QRICH2: variants seen among roughly 807,000 people sequenced by gnomAD.
QRICH2 encodes the protein glutamine-rich protein 2.
QRICH2 carries 119 observed loss-of-function variants against 168.3 expected under a neutral mutation model. That is an observed-to-expected ratio of 0.71 (90% CI 0.61 to 0.82). The LOEUF (loss-of-function observed/expected upper bound fraction) is 0.82. Ranked by LOEUF, QRICH2 falls within the 40% of genes least tolerant of loss-of-function variation. QRICH2 has a pLI of 0.00. For synonymous variants in QRICH2, 894 were observed against 951.2 expected (o/e 0.94, Z 1.11); for missense variants, 2,241 against 2,491.6 (o/e 0.90, Z 2.14).
chr17:76,277,338 G>T (rs1172990080), intron 15 of QRICH2, 28 bp from the exon 16 acceptor site: 1 of 1,604,438 alleles, frequency 6.2e-7, no homozygotes, highest in African/African-American at 1.3e-5. Flanking sequence ...TGGAGTCATT[G>T]GGAGCAGACC....
chr17:76,292,940 T>A lies in QRICH2; in HGVS notation c.1787A>T (p.Asp596Val), dbSNP rs867128535. 6.2e-7 allele frequency: 1 copy of A among 1,611,946 alleles called. No homozygotes were observed. Among genetic ancestry groups the A allele is most frequent in the Middle Eastern group, 1.7e-4 (1 of 6,058 alleles). ...YQPGLVQPGA[D>V]QRGLVRPGMD... Reference sequence around the variant, plus strand: ...TCCAGGCCGGACCAAACCACGCTGATCTGCACCAGGTTGGACCAAGCCAGG... The same window carrying A: ...TCCAGGCCGGACCAAACCACGCTGAACTGCACCAGGTTGGACCAAGCCAGG... The change falls in exon 4 of 19, where the codon GAT becomes GTT. Residue 596 changes from aspartate to valine, a missense_variant. Around this residue, in one of 3 missense-constraint regions of QRICH2, gnomAD observed 2,047 missense variants for 2,303.8 expected, o/e 0.89. Coordinates refer to ENST00000680821, the MANE Select transcript of QRICH2 (RefSeq NM_001388453.1).
At position 76,307,516 on chromosome 17, in the gene QRICH2, C is replaced by T. The variant is rs2143419638; in HGVS notation, c.483G>A (p.Val161=). The change falls in exon 1 of 19, where the codon GTG becomes GTA. Residue 161 remains valine, a synonymous_variant. Transcript: ENST00000680821. The surrounding 1 kb of genome is among the most constrained non-coding windows in gnomAD (Gnocchi z 5.3). ...QEVGVRAFDR[V]RTGSIMKDAA... is the part of the protein sequence containing the mutation. The stretch of plus-strand genomic sequence containing the variant: ...CGTCCTTCATGATACTCCCAGTCCG[C>T]ACCCTATCGAACGCCCGCACGCCCA... 1.9e-6 allele frequency: 3 copies of T among 1,613,140 alleles called. No homozygotes were observed. Among genetic ancestry groups the T allele is most frequent in the Middle Eastern group, 1.7e-4 (1 of 6,058 alleles).
At position 76,304,529 on chromosome 17, in the gene QRICH2, A is replaced by C; in HGVS notation, c.595-4T>G. 6.2e-7 allele frequency: 1 copy of C among 1,602,202 alleles called. No individual in the cohort carries two copies. The highest frequency in any genetic ancestry group is 8.5e-7 in the Non-Finnish European group (1 of 1,170,770). Reference sequence around the variant, plus strand: ...TCAGCTTCCGGCTGACTAGTTCCTGACAGTGACAGAAAAGACACACACATA... The same window carrying C: ...TCAGCTTCCGGCTGACTAGTTCCTGCCAGTGACAGAAAAGACACACACATA... On this transcript the variant is annotated splice_region_variant and splice_polypyrimidine_tract_variant and intron_variant, in intron 2 of 18. Transcript: ENST00000680821.
intron 14 of QRICH2, among the ~76,000 whole-genome samples, chr17:76,278,621 C>T (rs2070731693): frequency 6.6e-6 from 1 of 152,228 alleles, no homozygotes. Context: ...ATGAGATGCC[C>T]ACCGCCAGCC....
intron 3 of QRICH2, among the ~76,000 whole-genome samples, chr17:76,303,689 T>C (rs986553204): frequency 4.6e-5 from 7 of 151,582 alleles, no homozygotes; most frequent in African/African-American, 7.3e-5. Context: ...GGCAACACCG[T>C]GAAACCCCGT....
rs528397961 is a variant in QRICH2 at position 76,292,247 on chromosome 17, T to C, written c.2480A>G (p.Asp827Gly). The change falls in exon 4 of 19, where the codon GAT (aspartate) becomes GGT (glycine). Residue 827 changes from aspartate (D) to glycine (G), a missense_variant. This residue lies in a region of QRICH2 where 2,047 missense variants were observed against 2,303.8 expected (regional missense o/e 0.89). Transcript: ENST00000680821. Reference sequence around the variant, plus strand: ...ACCAGGTTGAACCAAACCACGCTGATCCACTCCAGGTTGGACCAAACCACG... The same window carrying C: ...ACCAGGTTGAACCAAACCACGCTGACCCACTCCAGGTTGGACCAAACCACG... ...VQRGLVQPGV[D>G]QRGLVQPGAV... is the part of the protein sequence containing the mutation. 1 of 1,602,844 alleles carries C rather than the reference T, an allele frequency of 6.2e-7. No homozygotes were observed. Among genetic ancestry groups the C allele is most frequent in the South Asian group, 1.1e-5 (1 of 90,290 alleles).
At chr17:76,295,549 A>G (rs2070781936) in intron 3 of QRICH2, among the ~76,000 whole-genome samples, 1 of 152,078 alleles carries the variant, frequency 6.6e-6, no homozygotes, top group African/African-American at 2.4e-5. Context: ...CCAGCTACTC[A>G]GGAGAATCAC....
At chr17:76,284,772 T>C (rs1054890507) in intron 7 of QRICH2, among the ~76,000 whole-genome samples, 2 of 149,922 alleles carry the variant, frequency 1.3e-5, no homozygotes, top group African/African-American at 4.9e-5. Flanking sequence ...GAGCTGAGAT[T>C]GCGCCACTGC....
At chr17:76,290,770 G>A (rs1271322100) in intron 4 of QRICH2, among the ~76,000 whole-genome samples, 1 of 152,050 alleles carries the variant, frequency 6.6e-6, no homozygotes, top group Non-Finnish European at 1.5e-5. Flanking sequence ...TTCCCCCACT[G>A]CTGTGCAGAG....
intron 14 of QRICH2, among the ~76,000 whole-genome samples, 166 bp downstream of exon 14, chr17:76,278,875 C>A (rs1338813774): frequency 1.3e-5 from 2 of 152,252 alleles, no homozygotes; most frequent in African/African-American, 4.8e-5. Context: ...AATCGGCCTG[C>A]GGCCCCCACT....
chr17:76,280,521 G>A lies in QRICH2; in HGVS notation c.4462-70C>T, dbSNP rs954488946. 1.5e-4 allele frequency: 246 copies of A among 1,592,116 alleles called. 1 individual carries two copies. The highest frequency in any genetic ancestry group is 3.9e-4 in the Admixed American group (23 of 58,998). ...TGGAGGGGCCCCATTCCCTGGGGGT[G>A]TCGACCCCTATCACCAGGCAGGTTT... On this transcript the variant is annotated intron_variant, in intron 10 of 18. Transcript: ENST00000680821. The surrounding 1 kb of genome is among the most constrained non-coding windows in gnomAD (Gnocchi z 7.4).
chr17:76,307,420 T>C lies in QRICH2; in HGVS notation c.534+45A>G. Reference sequence around the variant, plus strand: ...ACTCGGCTAGGCCTGGAGGGCGGCCTGGAGGAGGCAGACGGCCTGCGCGTG... The same window carrying C: ...ACTCGGCTAGGCCTGGAGGGCGGCCCGGAGGAGGCAGACGGCCTGCGCGTG... On this transcript the variant is annotated intron_variant, in intron 1 of 18. Transcript: ENST00000680821. This position sits in a 1 kb window ranked among gnomAD's most constrained non-coding sequence, Gnocchi z 5.3. 6.2e-7 allele frequency: 1 copy of C among 1,605,416 alleles called. No individual in the cohort carries two copies. Among genetic ancestry groups the C allele is most frequent in the African/African-American group, 1.3e-5 (1 of 74,878 alleles).
intron 14 of QRICH2, 29 bp from the exon 15 acceptor site, chr17:76,278,218 G>A: frequency 1.3e-6 from 2 of 1,595,906 alleles, no homozygotes; most frequent in Non-Finnish European, 8.5e-7. Flanking sequence ...ACAGAGGGAG[G>A]GTTGGCCCAT....
At position 76,280,085 on chromosome 17, in the gene QRICH2, G is replaced by A; in HGVS notation, c.4696C>T (p.Leu1566Phe). 6.2e-7 allele frequency: 1 copy of A among 1,613,698 alleles called. No individual in the cohort carries two copies. The highest frequency in any genetic ancestry group is 8.5e-7 in the Non-Finnish European group (1 of 1,179,998). Residue 1566 changes from leucine to phenylalanine, a missense_variant, in exon 12 of 19, where the codon CTC becomes TTC. Around this residue, in one of 3 missense-constraint regions of QRICH2, gnomAD observed 2,047 missense variants for 2,303.8 expected, o/e 0.89. Coordinates refer to ENST00000680821, the MANE Select transcript of QRICH2 (RefSeq NM_001388453.1). This position sits in a 1 kb window ranked among gnomAD's most constrained non-coding sequence, Gnocchi z 7.4. ...TGGTAGAGTGGGGGGCGCTCCCTGA[G>A]CTGCTGTCGCAGCGATTTCCACCGA... Reference protein sequence around the residue: ...EDRWKSLRQQLRERPPLYQAD... With the variant: ...EDRWKSLRQQFRERPPLYQAD...
chr17:76,277,518 G>T (rs1360048123), intron 15 of QRICH2, among the ~76,000 whole-genome samples: 1 of 151,950 alleles, frequency 6.6e-6, no homozygotes, highest in Non-Finnish European at 1.5e-5. Flanking sequence ...ACATGGGCAG[G>T]CGTGCACACA....
Position 76,291,006 on chromosome 17 carries a change from G to T in QRICH2, c.3712+9C>A. On this transcript the variant is annotated intron_variant, in intron 4 of 18. Transcript: ENST00000680821. ...AATGGTTTCTCCTCTATCGGCAAGC[G>T]GCACCCACCCATCTGTGCCAGCAGG... 1.9e-6 allele frequency: 3 copies of T among 1,605,500 alleles called. No homozygotes were observed. The South Asian group carries it at 3.3e-5, about 18-fold the overall frequency.
chr17:76,274,701 G>A (rs1023570277), intron 18 of QRICH2, among the ~76,000 whole-genome samples: 1 of 152,292 alleles, frequency 6.6e-6, no homozygotes, highest in African/African-American at 2.4e-5. Flanking sequence ...GAGCCAGGGT[G>A]ACAGTCATGT....
upstream of QRICH2, among the ~76,000 whole-genome samples, chr17:76,309,147 A>G (rs1160507493): frequency 6.7e-6 from 1 of 148,160 alleles, no homozygotes; most frequent in African/African-American, 2.5e-5. Flanking sequence ...CACCTGAGGT[A>G]AGGGGTTCAA....
At chr17:76,295,442 G>A (rs770144699) in intron 3 of QRICH2, among the ~76,000 whole-genome samples, 5 of 152,032 alleles carry the variant, frequency 3.3e-5, no homozygotes, top group Non-Finnish European at 5.9e-5. Context: ...ATCATTTGAG[G>A]TCAGGAGTTC....
Sources: allele counts gnomAD v4.1 joint callset (sites outside exome capture counted in the v4.1 genomes callset), GRCh38; gene constraint gnomAD v4.1.1; regional missense constraint gnomAD v4.1.1; non-coding constraint Gnocchi (gnomAD v3.1); transcripts MANE v1.5; gene names NCBI Gene and HGNC (gene_info 2026-07-23, HGNC 2026-07-21).